The following SERPINB11 variants were observed in gnomAD, a reference collection of about 807,000 sequenced individuals.
The protein encoded by SERPINB11 is serpin B11.
A neutral mutation model predicts 36.7 loss-of-function variants in SERPINB11; 32 were observed. The observed-to-expected ratio is 0.87, with a 90% CI of 0.66 to 1.17. SERPINB11 has a LOEUF of 1.17. Ranked by LOEUF, SERPINB11 falls within the 50% of genes most tolerant of loss-of-function variation. The pLI is 0.00. For missense variants in SERPINB11, 528 were observed against 458.4 expected (o/e 1.15, Z -1.39); for synonymous variants, 174 against 168.1 (o/e 1.04, Z -0.27).
chr18:63,710,144 T>C, intron 1 of SERPINB11, 35 bp from the exon 2 acceptor site: 1 of 1,521,304 alleles, frequency 6.6e-7, no homozygotes, highest in Non-Finnish European at 8.9e-7. Context: ...TAACTTCAAG[T>C]GATGTTCTGA....
intron 5 of SERPINB11, 55 bp from the exon 6 acceptor site, chr18:63,719,958 C>G (rs966753530): frequency 1.4e-6 from 2 of 1,423,748 alleles, no homozygotes; most frequent in East Asian, 2.4e-5. Flanking sequence ...GACTCTTCAC[C>G]TCTCTATTAT....
At chr18:63,712,229 C>T (rs958149105) in intron 3 of SERPINB11, among the ~76,000 whole-genome samples, 1 of 152,138 alleles carries the variant, frequency 6.6e-6, no homozygotes, top group Non-Finnish European at 1.5e-5. Flanking sequence ...TCTGTAAGTA[C>T]AAAGGCAGCA....
At chr18:63,715,208 G>C (rs1256949413) in intron 4 of SERPINB11, among the ~76,000 whole-genome samples, 2 of 152,116 alleles carry the variant, frequency 1.3e-5, no homozygotes, top group African/African-American at 2.4e-5. Flanking sequence ...GGGCTGTGGA[G>C]GTATGCTCCT....
intron 5 of SERPINB11, among the ~76,000 whole-genome samples, chr18:63,718,972 G>A (rs183098906): frequency 6.6e-6 from 1 of 152,060 alleles, no homozygotes; most frequent in Admixed American, 6.5e-5. Context: ...TTGAGAGTCT[G>A]AGGCTTAAAC....
Position 63,711,359 on chromosome 18 carries a change from G to C in SERPINB11, c.193G>C (p.Asp65His). 1 of 1,610,712 alleles carries C rather than the reference G, an allele frequency of 6.2e-7. No homozygotes were observed. The highest frequency in any genetic ancestry group is 1.1e-5 in the South Asian group (1 of 90,922). ...GGTGCTTCATTTTAGTCATACTGTA[G>C]ACTCATTAAAACCAGGGTTCAAGGA... ...EKVLHFSHTV[D>H]SLKPGFKDSP... The change falls in exon 3 of 8, where the codon GAC becomes CAC. Residue 65 changes from aspartate to histidine, a missense_variant. Asp to His is a moderately conservative substitution (Grantham distance 81). Coordinates refer to ENST00000544088, the MANE Select transcript of SERPINB11 (RefSeq NM_001370475.1).
At position 63,716,057 on chromosome 18, in the gene SERPINB11, A is replaced by G. The variant is rs1914659116; in HGVS notation, c.380A>G (p.Lys127Arg). 6.2e-7 allele frequency: 1 copy of G among 1,610,520 alleles called. No individual in the cohort carries two copies. Among genetic ancestry groups the G allele is most frequent in the Non-Finnish European group, 8.5e-7 (1 of 1,177,650 alleles). ...TAGCAATATTTAAGCTGTTCTGAGAAATGGTATCAAGCCAGGTTGCAAACT... is the reference window on the plus strand; with the variant it reads ...TAGCAATATTTAAGCTGTTCTGAGAGATGGTATCAAGCCAGGTTGCAAACT... The part of the protein sequence containing the change: ...FHQQYLSCSE[K>R]WYQARLQTVD... Residue 127 changes from lysine to arginine, a missense_variant, in exon 5 of 8, where the codon AAA (lysine) becomes AGA (arginine). By Grantham distance (26) the Lys-to-Arg change is conservative. Coordinates refer to ENST00000544088, the MANE Select transcript of SERPINB11 (RefSeq NM_001370475.1).
chr18:63,714,326 T>C (rs542198746), intron 4 of SERPINB11, among the ~76,000 whole-genome samples: 2 of 152,046 alleles, frequency 1.3e-5, no homozygotes, highest in East Asian at 1.9e-4. Context: ...GGGCAGAGCA[T>C]CGGGGCAAAA....
In SERPINB11 at chr18:63,721,001, A is replaced by C. The variant is rs1440238046; in HGVS notation, c.774+15A>C. The C allele has an allele frequency of 3.1e-6, 5 of 1,595,706 alleles. No homozygotes were observed. ...ATCTGAAACAGGTAAAATTATAAGA[A>C]TGCTATAATGCAGTTAAAGCATGTG... On this transcript the variant is annotated intron_variant, in intron 7 of 7. Transcript: ENST00000544088.
At position 63,723,376 on chromosome 18, in the gene SERPINB11, T is replaced by G. The variant is rs1279557952; in HGVS notation, c.1156T>G (p.Cys386Gly). The G allele has an allele frequency of 6.2e-7, 1 of 1,607,776 alleles. No individual in the cohort carries two copies. Among genetic ancestry groups the G allele is most frequent in the African/African-American group, 1.3e-5 (1 of 74,922 alleles). The change falls in exon 8 of 8, where the codon TGT becomes GGT. Residue 386 changes from cysteine to glycine, a missense_variant. Coordinates refer to ENST00000544088, the MANE Select transcript of SERPINB11 (RefSeq NM_001370475.1). ...CACTCATACCAACACGATCCTATTCTGTGGCAAGCTTGCCTCTCCCTAATC... is the reference window on the plus strand; with the variant it reads ...CACTCATACCAACACGATCCTATTCGGTGGCAAGCTTGCCTCTCCCTAATC... ...RHTHTNTILF[C>G]GKLASP
At chr18:63,712,195 A>T (rs1169772628) in intron 3 of SERPINB11, among the ~76,000 whole-genome samples, 1 of 151,898 alleles carries the variant, frequency 6.6e-6, no homozygotes, top group Non-Finnish European at 1.5e-5. Flanking sequence ...TGTAGAAAAA[A>T]GTGTGAAAGA....
At chr18:63,712,075 C>A (rs575287694) in intron 3 of SERPINB11, among the ~76,000 whole-genome samples, 12 of 152,138 alleles carry the variant, frequency 7.9e-5, no homozygotes, top group Admixed American at 7.9e-4. Flanking sequence ...TCAAATGCAA[C>A]AAAGCTGCAG....
rs554786280 is a variant in SERPINB11, at chr18:63,720,478, AT to A, written c.618+332del. ...GCAGCACACTAAGGCTATCTGTGTTATTTTTTTTTCTAGAGAGTTTCTTGAG... is the reference window on the plus strand; with the variant it reads ...GCAGCACACTAAGGCTATCTGTGTTATTTTTTTTCTAGAGAGTTTCTTGAG... On this transcript the variant is annotated intron_variant, in intron 6 of 7. Transcript: ENST00000544088. The A allele has an allele frequency of 3.9e-3, 1,261 of 320,488 alleles. 3 individuals are homozygous for A. The highest frequency in any genetic ancestry group is 5.8e-3 in the Non-Finnish European group (1,034 of 179,278). 19.9% of individuals were successfully genotyped at this position (320,488 alleles called of 1,614,324 possible). A position where few individuals can be genotyped will look rare whatever the true frequency, so the allele number is the denominator to read the frequency against.
At chr18:63,719,484 G>T (rs1346576655) in intron 5 of SERPINB11, among the ~76,000 whole-genome samples, 1 of 151,994 alleles carries the variant, frequency 6.6e-6, no homozygotes, top group African/African-American at 2.4e-5. Context: ...ATTTTGATCA[G>T]TTTTATTTAC....
chr18:63,713,882 C>G (rs575802747), intron 4 of SERPINB11, among the ~76,000 whole-genome samples: 1 of 152,280 alleles, frequency 6.6e-6, no homozygotes, highest in African/African-American at 2.4e-5. Flanking sequence ...TTGTCTTGAA[C>G]TATGTCATGA....
At chr18:63,718,179 G>T (rs1466613355) in intron 5 of SERPINB11, among the ~76,000 whole-genome samples, 1 of 151,896 alleles carries the variant, frequency 6.6e-6, no homozygotes, top group Admixed American at 6.6e-5. Flanking sequence ...TCATGATGAT[G>T]CCACAATTAT....
intron 4 of SERPINB11, 110 bp downstream of exon 4, chr18:63,712,803 T>G: frequency 8.3e-7 from 1 of 1,211,276 alleles, no homozygotes; most frequent in Non-Finnish European, 1.2e-6. Flanking sequence ...CATTAAGAGA[T>G]TGACTTTGTG....
intron 1 of SERPINB11, chr18:63,705,818 G>A (rs1914358223): frequency 6.6e-6 from 1 of 152,288 alleles, no homozygotes; most frequent in South Asian, 2.1e-4. Flanking sequence ...AACTCCACTA[G>A]CTTACTTAAT....
At position 63,710,354 on chromosome 18, in the gene SERPINB11, TG is replaced by T; in HGVS notation, c.163del (p.Glu55ArgfsTer10). On this transcript the variant is annotated frameshift_variant, in exon 2 of 8. Coordinates refer to ENST00000544088, the MANE Select transcript of SERPINB11 (RefSeq NM_001370475.1). LOFTEE classifies it high-confidence loss of function. ...GCCAGGGGAGAGACTGAAGAGCAAT[TG>T]GAGAAGGTATGGAATTCCTCAGAGG... Reference protein sequence around the residue: ...LGARGETEEQLEKVLHFSHTV... With the variant: ...LGARGETEEQXEKVLHFSHTV... 6.2e-7 allele frequency: 1 copy of T among 1,610,860 alleles called. No individual in the cohort carries two copies. The highest frequency in any genetic ancestry group is 1.1e-5 in the South Asian group (1 of 90,386).
chr18:63,711,498 G>C, intron 3 of SERPINB11, 104 bp downstream of exon 3: 1 of 840,052 alleles, frequency 1.2e-6, no homozygotes, highest in South Asian at 1.5e-5. Flanking sequence ...GCCCATGAGG[G>C]AACCAGCTAT....
Sources: gnomAD v4.1 joint callset for allele counts (sites outside exome capture counted in the v4.1 genomes callset) on GRCh38, gnomAD v4.1.1 for gene constraint, MANE v1.5 for transcripts, NCBI Gene and HGNC (gene_info 2026-07-23, HGNC 2026-07-21) for gene names.